The following KIAA1958 variants were observed in gnomAD, a reference collection of about 807,000 sequenced individuals.
KIAA1958 encodes the protein KIAA1958, also known as uncharacterized protein KIAA1958.
A neutral mutation model predicts 47.2 loss-of-function variants in KIAA1958; 14 were observed. The observed-to-expected ratio is 0.30, with a 90% CI of 0.20 to 0.46. The LOEUF (loss-of-function observed/expected upper bound fraction) is 0.46, where lower values mean the gene tolerates loss of function less well. KIAA1958 is among the 20% of genes least tolerant of loss of function. The pLI is 1.00. For missense variants in KIAA1958, 803 were observed against 909.2 expected (o/e 0.88, Z 1.50); for synonymous variants, 354 against 353.3 (o/e 1.00, Z -0.02).
intron 1 of KIAA1958, among the ~76,000 whole-genome samples, chr9:112,529,984 T>A (rs976701551): frequency 2.0e-5 from 3 of 152,066 alleles, no homozygotes; most frequent in Non-Finnish European, 2.9e-5. Context: ...GCTGGGACTA[T>A]AGGCGCCCGC....
At chr9:112,560,904 C>G (rs924769448) in intron 1 of KIAA1958, among the ~76,000 whole-genome samples, 2 of 152,130 alleles carry the variant, frequency 1.3e-5, no homozygotes, top group East Asian at 1.9e-4. Context: ...AACCTTTTCT[C>G]TCTGTCTGTC....
intron 1 of KIAA1958, among the ~76,000 whole-genome samples, chr9:112,493,125 T>C (rs1833998737): frequency 6.6e-6 from 1 of 150,442 alleles, no homozygotes. Flanking sequence ...GCTAATGCTG[T>C]TATTTTCTTC....
At chr9:112,541,827 A>G (rs1302160207) in intron 1 of KIAA1958, among the ~76,000 whole-genome samples, 7 of 152,100 alleles carry the variant, frequency 4.6e-5, no homozygotes, top group Non-Finnish European at 7.4e-5. Flanking sequence ...ATAAAACAAC[A>G]AAAACAGATG....
Position 112,618,471 on chromosome 9 carries a change from A to G in KIAA1958, c.1172-27179A>G, listed in dbSNP as rs878880720. ...GAGTGGATGGGTCAGGACACTGGAG[A>G]CTTGAATGCCAAAACCAAGAGAGGG... On this transcript the variant is annotated intron_variant, in intron 2 of 3. Coordinates refer to ENST00000337530, the MANE Select transcript of KIAA1958 (RefSeq NM_133465.4). The surrounding 1 kb of genome is among the most constrained non-coding windows in gnomAD (Gnocchi z 7.1). The G allele has an allele frequency of 6.4e-7, 1 of 1,550,884 alleles. No homozygotes were observed. Among genetic ancestry groups the G allele is most frequent in the Non-Finnish European group, 8.7e-7 (1 of 1,147,060 alleles).
intron 1 of KIAA1958, among the ~76,000 whole-genome samples, chr9:112,546,264 C>CT: frequency 6.6e-6 from 1 of 152,298 alleles, no homozygotes; most frequent in Non-Finnish European, 1.5e-5. Context: ...CACTAGCACT[C>CT]TGACAGTTTA....
intron 1 of KIAA1958, among the ~76,000 whole-genome samples, chr9:112,543,421 A>C (rs1357037789): frequency 6.6e-6 from 1 of 152,174 alleles, no homozygotes; most frequent in Non-Finnish European, 1.5e-5. Context: ...TAGTAAATGG[A>C]TGCTGAGTGG....
intron 1 of KIAA1958, among the ~76,000 whole-genome samples, chr9:112,496,472 T>C (rs1310154496): frequency 6.6e-6 from 1 of 152,210 alleles, no homozygotes; most frequent in Non-Finnish European, 1.5e-5. Flanking sequence ...AGTTTCTGTT[T>C]CTTGAACTGG....
chr9:112,501,921 CAAA>C (rs948526589), intron 1 of KIAA1958, among the ~76,000 whole-genome samples: 1 of 152,032 alleles, frequency 6.6e-6, no homozygotes, highest in African/African-American at 2.4e-5. Context: ...TCACAATTTA[CAAA>C]AAAATAATAA....
chr9:112,506,944 G>C (rs1834244735), intron 1 of KIAA1958, among the ~76,000 whole-genome samples: 1 of 152,148 alleles, frequency 6.6e-6, no homozygotes, highest in Non-Finnish European at 1.5e-5. Context: ...AGTGGTCATT[G>C]CTATTGTAGC....
chr9:112,545,584 A>T (rs184680281), intron 1 of KIAA1958, among the ~76,000 whole-genome samples: 2 of 152,270 alleles, frequency 1.3e-5, no homozygotes, highest in Admixed American at 6.5e-5. Context: ...AGAAAAATAC[A>T]TGTAAATGGA....
chr9:112,611,369 T>C (rs1836323967), intron 2 of KIAA1958, among the ~76,000 whole-genome samples: 2 of 152,150 alleles, frequency 1.3e-5, no homozygotes, highest in African/African-American at 4.8e-5. Context: ...CAACTAAAAA[T>C]CTTGGGTAAG....
At chr9:112,644,969 A>G (rs762365755) in intron 2 of KIAA1958, among the ~76,000 whole-genome samples, 11 of 152,128 alleles carry the variant, frequency 7.2e-5, no homozygotes, top group South Asian at 2.1e-4. Context: ...AACCCCATCT[A>G]CTAAAAATAT....
intron 2 of KIAA1958, among the ~76,000 whole-genome samples, chr9:112,581,470 C>T (rs909601000): frequency 1.3e-5 from 2 of 152,130 alleles, no homozygotes; most frequent in Non-Finnish European, 2.9e-5. Context: ...CCTGGGAGCA[C>T]ATTAGAAATG....
At chr9:112,562,426 C>T (rs1835349129) in intron 1 of KIAA1958, among the ~76,000 whole-genome samples, 1 of 152,114 alleles carries the variant, frequency 6.6e-6, no homozygotes, top group Admixed American at 6.5e-5. Context: ...GGCTCTTCAC[C>T]CCTGCACTGT....
chr9:112,535,163 A>G (rs1466889038), intron 1 of KIAA1958, among the ~76,000 whole-genome samples: 1 of 152,184 alleles, frequency 6.6e-6, no homozygotes, highest in African/African-American at 2.4e-5. Context: ...TATAGTGACA[A>G]TATTGTACAA....
In KIAA1958 at chr9:112,668,876, A is replaced by T. The variant is rs1259910816; in HGVS notation, c.*8807A>T. On this transcript the variant is annotated 3_prime_UTR_variant, in exon 4 of 4. Transcript: ENST00000337530. ...GACTAACAAAAGTCTGTTCAATTTA[A>T]CTACTTAGATAAGAAGCGCAATGCT... 1 of 152,224 alleles carries T rather than the reference A, an allele frequency of 6.6e-6. No homozygotes were observed. The highest frequency in any genetic ancestry group is 1.5e-5 in the Non-Finnish European group (1 of 68,038). The allele number at this position is 152,224 out of a possible 1,614,324, so 9.4% of individuals were successfully genotyped here. A position where few individuals can be genotyped will look rare whatever the true frequency, so the allele number is the denominator to read the frequency against.
chr9:112,577,111 A>AT (rs1835659118), intron 2 of KIAA1958, among the ~76,000 whole-genome samples: 1 of 152,016 alleles, frequency 6.6e-6, no homozygotes, highest in Non-Finnish European at 1.5e-5. Context: ...TGGTACTGAG[A>AT]TTTTTTTCAT....
intron 2 of KIAA1958, among the ~76,000 whole-genome samples, chr9:112,580,067 C>CA (rs1238472036): frequency 6.6e-6 from 1 of 152,160 alleles, no homozygotes; most frequent in East Asian, 1.9e-4. Flanking sequence ...GAACCTGTGT[C>CA]ACAGCATTCC....
intron 1 of KIAA1958, among the ~76,000 whole-genome samples, chr9:112,551,194 T>C (rs2132838326): frequency 6.6e-6 from 1 of 152,298 alleles, no homozygotes; most frequent in Admixed American, 6.5e-5. Context: ...TATATAACTA[T>C]CACTGTCATC....
Sources: allele counts gnomAD v4.1 joint callset (sites outside exome capture counted in the v4.1 genomes callset), GRCh38; gene constraint gnomAD v4.1.1; non-coding constraint Gnocchi (gnomAD v3.1); transcripts MANE v1.5; gene names NCBI Gene and HGNC (gene_info 2026-07-23, HGNC 2026-07-21).